The following TACC1 variants were observed in gnomAD, a reference collection of about 807,000 sequenced individuals.
TACC1 encodes transforming acidic coiled-coil-containing protein 1.
TACC1 carries 48 observed loss-of-function variants against 84.4 expected under a neutral mutation model. The ratio of observed to expected loss-of-function variants is 0.57; its 90% CI spans 0.45 to 0.72. The LOEUF (loss-of-function observed/expected upper bound fraction) is 0.72. Ranked by LOEUF, TACC1 falls within the 30% of genes least tolerant of loss-of-function variation. TACC1 has a pLI of 0.00. For missense variants in TACC1, 920 were observed against 973.0 expected, an observed-to-expected ratio of 0.95 and a Z score of 0.72; for synonymous variants, 372 against 376.3, an observed-to-expected ratio of 0.99 and a Z score of 0.13.
intron 2 of TACC1, among the ~76,000 whole-genome samples, chr8:38,743,274 G>T (rs553689336): frequency 6.7e-6 from 1 of 148,970 alleles, no homozygotes; most frequent in East Asian, 1.9e-4. Flanking sequence ...ATCAAGGTAG[G>T]CATTCAGTAT....
chr8:38,749,923 C>G (rs960241442), intron 3 of TACC1, among the ~76,000 whole-genome samples: 7 of 152,124 alleles, frequency 4.6e-5, no homozygotes, highest in Non-Finnish European at 8.8e-5. Context: ...GACAGTTAAT[C>G]AATGTAATTC....
rs558121623 is a variant in TACC1, at chr8:38,827,101, TG to T, written c.1453-64del. The T allele has an allele frequency of 1.1e-4, 157 of 1,411,850 alleles. No individual in the cohort carries two copies. In the African/African-American group the frequency reaches 2.1e-3, roughly 19 times the overall value. The allele number at this position is 1,411,850 out of a possible 1,614,324, so 87.5% of individuals were successfully genotyped here. A position where few individuals can be genotyped will look rare whatever the true frequency, so the allele number is the denominator to read the frequency against. On this transcript the variant is annotated intron_variant, in intron 4 of 12. Transcript: ENST00000317827. ...AGTTGTGTCTACTTTGTTCCATTCA[TG>T]GGATGTCACTTTTCCCCATTGCTTG...
chr8:38,840,453 A>G (rs573860308), intron 9 of TACC1, 186 bp downstream of exon 9: 2 of 503,500 alleles, frequency 4.0e-6, no homozygotes, highest in Non-Finnish European at 7.1e-6. Flanking sequence ...TTCCTCATAG[A>G]AGGGGCTGGC....
In TACC1 at chr8:38,848,382, C is replaced by G. The variant is rs1169869896; in HGVS notation, c.*359C>G. On this transcript the variant is annotated 3_prime_UTR_variant, in exon 13 of 13. Transcript: ENST00000317827. ...ATTTGTAACTCCTCTTTGGGGTCTTCTCCACCACCTGTCTGATTTTTTTGT... is the reference window on the plus strand; with the variant it reads ...ATTTGTAACTCCTCTTTGGGGTCTTGTCCACCACCTGTCTGATTTTTTTGT... The G allele has an allele frequency of 5.9e-6, 1 of 169,394 alleles. No individual in the cohort carries two copies. Among genetic ancestry groups the G allele is most frequent in the East Asian group, 1.6e-4 (1 of 6,094 alleles). The allele number at this position is 169,394 out of a possible 1,614,324, so 10.5% of individuals were successfully genotyped here.
At chr8:38,773,026 C>T (rs1286253351) in intron 3 of TACC1, among the ~76,000 whole-genome samples, 5 of 152,064 alleles carry the variant, frequency 3.3e-5, no homozygotes, top group Non-Finnish European at 5.9e-5. Flanking sequence ...AAAGACAAAA[C>T]GTATACTTAA....
intron 3 of TACC1, among the ~76,000 whole-genome samples, chr8:38,776,289 GTCA>G (rs1272463013): frequency 6.6e-6 from 1 of 152,168 alleles, no homozygotes; most frequent in Non-Finnish European, 1.5e-5. Flanking sequence ...CACAGCTCAA[GTCA>G]TTACGGCAGA....
intron 3 of TACC1, among the ~76,000 whole-genome samples, chr8:38,748,989 T>A (rs1808545890): frequency 6.6e-6 from 1 of 150,732 alleles, no homozygotes; most frequent in African/African-American, 2.4e-5. Flanking sequence ...GATAAAAAAA[T>A]CATTAAAAGC....
chr8:38,794,063 G>A (rs1480927889), intron 2 of TACC1, among the ~76,000 whole-genome samples: 1 of 152,198 alleles, frequency 6.6e-6, no homozygotes, highest in African/African-American at 2.4e-5. Flanking sequence ...TTCAGGGAAG[G>A]CCCAGGGGAG....
chr8:38,842,513 A>G, intron 10 of TACC1, 66 bp downstream of exon 10: 1 of 1,489,482 alleles, frequency 6.7e-7, no homozygotes, highest in Non-Finnish European at 9.0e-7. Context: ...GTAACTGGTC[A>G]TCAAATACAT....
intron 1 of TACC1, chr8:38,788,230 C>T (rs904160641): frequency 2.9e-5 from 5 of 172,108 alleles, no homozygotes; most frequent in East Asian, 1.8e-4. Context: ...GGGCTGTCAT[C>T]CGCGTGATTG....
At position 38,842,465 on chromosome 8, in the gene TACC1, T is replaced by A; in HGVS notation, c.2121+18T>A. 1 of 1,594,714 alleles carries A rather than the reference T, an allele frequency of 6.3e-7. No homozygotes were observed. Among genetic ancestry groups the A allele is most frequent in the Non-Finnish European group, 8.5e-7 (1 of 1,170,618 alleles). ...TCAAGAAGGTAGAGTGTTTTTTCCC[T>A]CTGTCTCCTGGTGTATTTCCAGTAG... On this transcript the variant is annotated intron_variant, in intron 10 of 12. Coordinates refer to ENST00000317827, the MANE Select transcript of TACC1 (RefSeq NM_006283.3).
Position 38,820,464 on chromosome 8 carries a change from C to G in TACC1, c.1220C>G (p.Pro407Arg). 1 of 1,614,202 alleles carries G rather than the reference C, an allele frequency of 6.2e-7. No individual in the cohort carries two copies. The highest frequency in any genetic ancestry group is 8.5e-7 in the Non-Finnish European group (1 of 1,180,036). The change falls in exon 3 of 13, where the codon CCA becomes CGA. Residue 407 changes from proline (P) to arginine (R), a missense_variant. Physicochemically the swap from Pro to Arg is moderately radical, Grantham distance 103. Coordinates refer to ENST00000317827, the MANE Select transcript of TACC1 (RefSeq NM_006283.3). ...FGSHSVLQNS[P>R]PLSSEGSYHF... ...AGCCACTCTGTTCTGCAGAACTCCC[C>G]ACCCCTCTCTTCTGAGGGCTCCTAC...
At chr8:38,766,056 A>G (rs1266577992) in intron 3 of TACC1, among the ~76,000 whole-genome samples, 1 of 152,198 alleles carries the variant, frequency 6.6e-6, no homozygotes, top group Non-Finnish European at 1.5e-5. Flanking sequence ...ATAGGACATA[A>G]AGCACAAACA....
At chr8:38,807,974 A>G (rs1327348825) in intron 2 of TACC1, among the ~76,000 whole-genome samples, 1 of 152,246 alleles carries the variant, frequency 6.6e-6, no homozygotes, top group Non-Finnish European at 1.5e-5. Flanking sequence ...TTTTAGATTT[A>G]GGGAAGGCTG....
intron 8 of TACC1, 145 bp from the exon 9 acceptor site, chr8:38,840,079 A>T: frequency 2.5e-5 from 8 of 316,720 alleles, no homozygotes; most frequent in East Asian, 5.6e-5. Flanking sequence ...AAAAAAAAAA[A>T]GATAACGAGA....
chr8:38,831,205 T>A, intron 6 of TACC1, 28 bp downstream of exon 6: 1 of 1,613,114 alleles, frequency 6.2e-7, no homozygotes. Context: ...GAGGGCCGGG[T>A]GGACTCAGGT....
intron 2 of TACC1, 133 bp from the exon 3 acceptor site, chr8:38,819,388 TC>T: frequency 9.5e-7 from 1 of 1,051,090 alleles, no homozygotes; most frequent in South Asian, 1.7e-5. Flanking sequence ...CTGCCATCCT[TC>T]CTGAACTTTA....
chr8:38,753,364 G>A (rs1809386867), intron 3 of TACC1, among the ~76,000 whole-genome samples: 1 of 152,224 alleles, frequency 6.6e-6, no homozygotes, highest in African/African-American at 2.4e-5. Flanking sequence ...TTGGCCTACC[G>A]AAGGGCTGAA....
At chr8:38,790,342 G>A (rs1386098682) in intron 2 of TACC1, among the ~76,000 whole-genome samples, 1 of 152,164 alleles carries the variant, frequency 6.6e-6, no homozygotes, top group Non-Finnish European at 1.5e-5. Context: ...TCTAGATAAG[G>A]TCACATTCAT....
Sources: allele counts gnomAD v4.1 joint callset (sites outside exome capture counted in the v4.1 genomes callset), GRCh38; gene constraint gnomAD v4.1.1; transcripts MANE v1.5; gene names NCBI Gene and HGNC (gene_info 2026-07-23, HGNC 2026-07-21).